The following RAB17 variants were observed in gnomAD, a reference collection of about 807,000 sequenced individuals.
RAB17 encodes the protein ras-related protein Rab-17.
RAB17 carries 15 observed loss-of-function variants against 19.3 expected under a neutral mutation model. The observed-to-expected ratio is 0.78, with a 90% confidence interval of 0.52 to 1.20. The LOEUF is 1.20. RAB17 is among the 50% of genes most tolerant of loss of function. RAB17 has a pLI of 0.00. For missense variants in RAB17, 262 were observed against 269.3 expected (o/e 0.97, Z 0.19); for synonymous variants, 110 against 112.8 (o/e 0.97, Z 0.16).
intron 3 of RAB17, 163 bp from the exon 4 acceptor site, chr2:237,577,545 C>T: frequency 1.3e-6 from 1 of 758,264 alleles, no homozygotes. Flanking sequence ...CTGAGGAGGG[C>T]ACGTTCCTGT....
At chr2:237,589,914 A>G (rs1329193215) in intron 1 of RAB17, among the ~76,000 whole-genome samples, 1 of 152,172 alleles carries the variant, frequency 6.6e-6, no homozygotes, top group Non-Finnish European at 1.5e-5. Flanking sequence ...TGATGAGTCT[A>G]TCGGCAACTG....
chr2:237,576,085 G>A (rs1220459879), intron 4 of RAB17, among the ~76,000 whole-genome samples: 1 of 152,190 alleles, frequency 6.6e-6, no homozygotes, highest in African/African-American at 2.4e-5. Context: ...ACTCTCCCAG[G>A]AAGAGGAGCC....
intron 2 of RAB17, among the ~76,000 whole-genome samples, chr2:237,580,639 C>T (rs1180837414): frequency 3.3e-5 from 5 of 151,836 alleles, no homozygotes; most frequent in African/African-American, 1.2e-4. Flanking sequence ...CTCGGGAGGC[C>T]GAAGCAGGAG....
At chr2:237,586,450 C>A (rs1040966059) in intron 1 of RAB17, among the ~76,000 whole-genome samples, 2 of 152,162 alleles carry the variant, frequency 1.3e-5, no homozygotes, top group Non-Finnish European at 2.9e-5. Flanking sequence ...TTACATGTGA[C>A]GGTCTCAGGG....
In RAB17 at chr2:237,575,401, A is replaced by G. The variant is rs1220390870; in HGVS notation, c.515T>C (p.Val172Ala). Reference sequence around the variant, plus strand: ...ACGTGACTCACCCACTGTATTGAACACCTCCGACACCTGGTGGTTCAGTTT... The same window carrying G: ...ACGTGACTCACCCACTGTATTGAACGCCTCCGACACCTGGTGGTTCAGTTT... The part of the protein sequence containing the change: ...SAKLNHQVSE[V>A]FNTVAQELLQ... The change falls in exon 5 of 6, where the codon GTG becomes GCG. Residue 172 changes from valine to alanine, a missense_variant. Physicochemically the swap from Val to Ala is moderately conservative, Grantham distance 64. Coordinates refer to ENST00000264601, the MANE Select transcript of RAB17 (RefSeq NM_022449.4). 6 of 1,611,120 alleles carry G rather than the reference A, an allele frequency of 3.7e-6. No individual in the cohort carries two copies. Among genetic ancestry groups the G allele is most frequent in the Non-Finnish European group, 5.1e-6 (6 of 1,179,086 alleles).
chr2:237,575,151 G>C (rs1485848640), intron 5 of RAB17, 23 bp from the exon 6 acceptor site: 1 of 1,594,512 alleles, frequency 6.3e-7, no homozygotes, highest in Non-Finnish European at 8.6e-7. Flanking sequence ...AGAGGAGGGG[G>C]CTGGCTAGGG....
At position 237,575,124 on chromosome 2, in the gene RAB17, T is replaced by C. The variant is rs1191882969; in HGVS notation, c.534A>G (p.Gln178=). The stretch of plus-strand genomic sequence containing the variant: ...CCTCGTCGCTTCTCTGCAGTAGCTC[T>C]TGGGCTGTGAACAGCAAGAGGAGGG... ...QVSEVFNTVA[Q]ELLQRSDEEG... Residue 178 remains glutamine (Q), a synonymous_variant, in exon 6 of 6, where the codon CAA becomes CAG. Coordinates refer to ENST00000264601, the MANE Select transcript of RAB17 (RefSeq NM_022449.4). The C allele has an allele frequency of 1.1e-5, 17 of 1,603,130 alleles. No homozygotes were observed. Among genetic ancestry groups the C allele is most frequent in the Non-Finnish European group, 1.5e-5 (17 of 1,170,746 alleles).
intron 2 of RAB17, among the ~76,000 whole-genome samples, chr2:237,580,589 A>G (rs544582686): frequency 2.0e-5 from 3 of 152,204 alleles, no homozygotes; most frequent in Non-Finnish European, 4.4e-5. Context: ...AAATACAAAA[A>G]TTAGCCAGGT....
intron 4 of RAB17, 40 bp from the exon 5 acceptor site, chr2:237,575,520 AG>A: frequency 6.7e-7 from 1 of 1,487,332 alleles, no homozygotes; most frequent in Non-Finnish European, 9.3e-7. Flanking sequence ...TGTTTATAAG[AG>A]AGTTTCCTAA....
intron 2 of RAB17, among the ~76,000 whole-genome samples, chr2:237,579,873 A>G: frequency 6.6e-6 from 1 of 152,228 alleles, no homozygotes; most frequent in Non-Finnish European, 1.5e-5. Context: ...CATGTCCTGC[A>G]GTTCCCTGCA....
At chr2:237,589,295 G>A (rs559589042) in intron 1 of RAB17, among the ~76,000 whole-genome samples, 18 of 151,832 alleles carry the variant, frequency 1.2e-4, no homozygotes, top group Admixed American at 9.2e-4. Flanking sequence ...CTCCACCCCC[G>A]TAATACAACC....
intron 2 of RAB17, among the ~76,000 whole-genome samples, chr2:237,582,091 T>C (rs1015245619): frequency 1.3e-5 from 2 of 150,296 alleles, no homozygotes; most frequent in African/African-American, 4.8e-5. Flanking sequence ...TGGACTCCCG[T>C]CCCTCGGACT....
At chr2:237,581,044 C>T in intron 2 of RAB17, among the ~76,000 whole-genome samples, 1 of 152,102 alleles carries the variant, frequency 6.6e-6, no homozygotes, top group East Asian at 1.9e-4. Flanking sequence ...TTTCAGAAAC[C>T]CACTAACCAC....
intron 2 of RAB17, 185 bp from the exon 3 acceptor site, chr2:237,578,340 C>G: frequency 1.7e-6 from 1 of 585,956 alleles, no homozygotes; most frequent in Admixed American, 3.0e-5. Flanking sequence ...CCTTCCACAT[C>G]GAGCAAAGTG....
chr2:237,578,256 G>A (rs1454076414), intron 2 of RAB17, 101 bp from the exon 3 acceptor site: 16 of 1,231,972 alleles, frequency 1.3e-5, no homozygotes, highest in Admixed American at 2.5e-5. Flanking sequence ...TGGGCTCAGA[G>A]GGACAGCTGG....
intron 2 of RAB17, among the ~76,000 whole-genome samples, chr2:237,580,733 G>A (rs2081302124): frequency 6.8e-6 from 1 of 146,626 alleles, no homozygotes; most frequent in South Asian, 2.4e-4. Context: ...GAGACAGAGT[G>A]AGACTCTGCC....
intron 3 of RAB17, chr2:237,577,643 C>T (rs1471878177): frequency 1.4e-5 from 7 of 486,694 alleles, no homozygotes; most frequent in East Asian, 6.9e-5. Flanking sequence ...CTGCCAGCCA[C>T]GGGGTATTTC....
At chr2:237,582,357 C>T (rs911636284) in intron 2 of RAB17, among the ~76,000 whole-genome samples, 1 of 152,242 alleles carries the variant, frequency 6.6e-6, no homozygotes, top group Non-Finnish European at 1.5e-5. Context: ...AAGGCTGACC[C>T]CTCGGACAGG....
rs377020265 is a variant in RAB17, at chr2:237,577,029, CGTGTGT to C, written c.435+222_435+227del. Among the ~76,000 whole-genome samples, 286 of 151,746 alleles carry C rather than the reference CGTGTGT, an allele frequency of 1.9e-3. 3 individuals are homozygous for C. The highest frequency in any genetic ancestry group is 6.7e-3 in the African/African-American group (277 of 41,324). On this transcript the variant is annotated intron_variant, in intron 4 of 5. Transcript: ENST00000264601. ...TCAGGTGGAAAGCTGTGTGTGTGTG[CGTGTGT>C]GTGTGTTCACTTGTAAATGTGTGTG...
Sources: allele counts gnomAD v4.1 joint callset (sites outside exome capture counted in the v4.1 genomes callset), GRCh38; gene constraint gnomAD v4.1.1; transcripts MANE v1.5; gene names NCBI Gene and HGNC (gene_info 2026-07-23, HGNC 2026-07-21).